Variants in SEPTIN9 observed in about 807,000 individuals in gnomAD.
The protein encoded by SEPTIN9 is septin 9, also known as septin-9.
A neutral mutation model predicts 56.6 loss-of-function variants in SEPTIN9; 13 were observed. The observed-to-expected ratio is 0.23, with a 90% CI of 0.15 to 0.37. The LOEUF is 0.37. SEPTIN9 is among the 10% of genes least tolerant of loss of function. The probability of loss-of-function intolerance (pLI) is 1.00; values close to 1 mark genes in which losing one functional copy is unlikely to be tolerated. For missense variants in SEPTIN9, 650 were observed against 823.1 expected, an observed-to-expected ratio of 0.79 and a Z score of 2.57; for synonymous variants, 332 against 334.1, an observed-to-expected ratio of 0.99 and a Z score of 0.07.
intron 2 of SEPTIN9, among the ~76,000 whole-genome samples, chr17:77,321,461 G>A (rs1360408165): frequency 1.3e-5 from 2 of 151,050 alleles, no homozygotes; most frequent in African/African-American, 4.9e-5. Flanking sequence ...GTGCAGTGGC[G>A]CGATCTCAGC....
At chr17:77,485,955 C>G (rs1384720278) in intron 4 of SEPTIN9, among the ~76,000 whole-genome samples, 1 of 151,992 alleles carries the variant, frequency 6.6e-6, no homozygotes, top group Non-Finnish European at 1.5e-5. Context: ...TCTCGTGCCT[C>G]AGGCATGTGC....
chr17:77,469,942 C>T (rs954059135), intron 3 of SEPTIN9, among the ~76,000 whole-genome samples: 1 of 150,232 alleles, frequency 6.7e-6, no homozygotes, highest in Non-Finnish European at 1.5e-5. Flanking sequence ...CACTCATCCA[C>T]CTGCCCATCC....
rs1436620547 is a variant in SEPTIN9 at position 77,434,993 on chromosome 17, G to C, written c.721+32290G>C. The stretch of plus-strand genomic sequence containing the variant: ...GGCCCTGGCAACCGTGGCAGGAGTG[G>C]TGATGTCCGATGATGGTAACAAGGG... On this transcript the variant is annotated intron_variant, in intron 3 of 11. Coordinates refer to ENST00000427177, the MANE Select transcript of SEPTIN9 (RefSeq NM_001113491.2). This position sits in a 1 kb window ranked among gnomAD's most constrained non-coding sequence, Gnocchi z 5.0. Among the ~76,000 whole-genome samples, 1 of 152,182 alleles carries C rather than the reference G, an allele frequency of 6.6e-6. No homozygotes were observed. Among genetic ancestry groups the C allele is most frequent in the African/African-American group, 2.4e-5 (1 of 41,428 alleles).
chr17:77,334,295 G>A (rs569574337), intron 2 of SEPTIN9, among the ~76,000 whole-genome samples: 68 of 152,032 alleles, frequency 4.5e-4, no homozygotes, highest in Middle Eastern at 3.4e-3. Context: ...GGTGGCGGGC[G>A]CCTGTAGTCC....
Position 77,330,665 on chromosome 17 carries a change from C to G in SEPTIN9, c.76+23468C>G, listed in dbSNP as rs536973880. ...AGACAATTTGGTTAAAGCCTAAAGCCTGCTGTCAGGAGCCTCGCTTGCCTC... is the reference window on the plus strand; with the variant it reads ...AGACAATTTGGTTAAAGCCTAAAGCGTGCTGTCAGGAGCCTCGCTTGCCTC... On this transcript the variant is annotated intron_variant, in intron 2 of 11. Coordinates refer to ENST00000427177, the MANE Select transcript of SEPTIN9 (RefSeq NM_001113491.2). The surrounding 1 kb of genome is among the most constrained non-coding windows in gnomAD (Gnocchi z 4.4). Among the ~76,000 whole-genome samples the G allele has an allele frequency of 6.6e-6, 1 of 152,360 alleles. No homozygotes were observed. Among genetic ancestry groups the G allele is most frequent in the African/African-American group, 2.4e-5 (1 of 41,580 alleles).
At chr17:77,399,097 C>A (rs1427520817) in intron 2 of SEPTIN9, among the ~76,000 whole-genome samples, 1 of 152,186 alleles carries the variant, frequency 6.6e-6, no homozygotes, top group Non-Finnish European at 1.5e-5. Context: ...GGGGCCAGCT[C>A]CGGTTCTAGA....
At chr17:77,415,588 A>G (rs2144179430) in intron 3 of SEPTIN9, among the ~76,000 whole-genome samples, 1 of 150,246 alleles carries the variant, frequency 6.7e-6, no homozygotes, top group African/African-American at 2.4e-5. Context: ...AAATTGCGCC[A>G]CTGCACTCCA....
At chr17:77,461,478 C>T (rs550723602) in intron 3 of SEPTIN9, among the ~76,000 whole-genome samples, 118 of 152,242 alleles carry the variant, frequency 7.8e-4, no homozygotes, top group Non-Finnish European at 1.4e-3. Context: ...TTCCTAGACT[C>T]GGGCTGGAGG....
intron 2 of SEPTIN9, among the ~76,000 whole-genome samples, chr17:77,358,379 G>T (rs1010314558): frequency 6.6e-6 from 1 of 152,226 alleles, no homozygotes; most frequent in African/African-American, 2.4e-5. Flanking sequence ...CCAGCACTTT[G>T]GGAGACCAAG....
At chr17:77,469,985 A>C (rs1019145002) in intron 3 of SEPTIN9, among the ~76,000 whole-genome samples, 21 of 149,398 alleles carry the variant, frequency 1.4e-4, no homozygotes, top group Non-Finnish European at 2.2e-4. Flanking sequence ...CCACCCATCC[A>C]CCCATCTATC....
chr17:77,333,229 C>T (rs531565734), intron 2 of SEPTIN9, among the ~76,000 whole-genome samples: 2 of 152,218 alleles, frequency 1.3e-5, no homozygotes, highest in East Asian at 3.8e-4. Flanking sequence ...CGGTTGAGCA[C>T]ATTTTCATGA....
At chr17:77,331,234 G>A (rs2033336645) in intron 2 of SEPTIN9, among the ~76,000 whole-genome samples, 2 of 152,152 alleles carry the variant, frequency 1.3e-5, no homozygotes, top group South Asian at 4.1e-4. Context: ...TACAGCTTCA[G>A]AATGATTGAC....
intron 3 of SEPTIN9, among the ~76,000 whole-genome samples, chr17:77,417,926 G>C (rs73375333): frequency 2.4e-3 from 362 of 152,318 alleles, no homozygotes; most frequent in African/African-American, 8.0e-3. Context: ...GTCATGTGCC[G>C]TATCCGTGGG....
intron 3 of SEPTIN9, chr17:77,444,882 A>G (rs2037677488): frequency 5.8e-6 from 2 of 343,376 alleles, no homozygotes; most frequent in Non-Finnish European, 6.0e-6. Context: ...TGGGCTGTTC[A>G]GACAGGGAGA....
intron 3 of SEPTIN9, among the ~76,000 whole-genome samples, chr17:77,424,896 C>CT (rs972210400): frequency 2.0e-5 from 3 of 152,140 alleles, no homozygotes; most frequent in Admixed American, 2.0e-4. Flanking sequence ...GAAGGAGGGG[C>CT]TGGGGGGTAC....
rs909990057 is a variant in SEPTIN9, at chr17:77,305,267, C to T, written c.20-1874C>T. Among the ~76,000 whole-genome samples, 21 of 152,242 alleles carry T rather than the reference C, an allele frequency of 1.4e-4. 1 individual carries two copies. Among genetic ancestry groups the T allele is most frequent in the Admixed American group, 1.0e-3 (16 of 15,292 alleles). ...GGCTGGGGGTGCTGGAGGTGAATTC[C>T]GCAGCTGTGCGACCTTGGGCAGTTT... is the stretch of plus-strand genomic sequence containing the variant. On this transcript the variant is annotated intron_variant, in intron 1 of 11. Transcript: ENST00000427177.
At position 77,456,768 on chromosome 17, in the gene SEPTIN9, C is replaced by T. The variant is rs556125503; in HGVS notation, c.722-25376C>T. 9.3e-4 allele frequency among the ~76,000 whole-genome samples: 142 copies of T among 152,020 alleles called. No individual in the cohort carries two copies. Among genetic ancestry groups the T allele is most frequent in the African/African-American group, 3.2e-3 (132 of 41,444 alleles). ...AGCACCGGGTACCCACAGCCAGGGACGGGTCCCCATGGCCAGTACCAGGTC... is the reference window on the plus strand; with the variant it reads ...AGCACCGGGTACCCACAGCCAGGGATGGGTCCCCATGGCCAGTACCAGGTC... On this transcript the variant is annotated intron_variant, in intron 3 of 11. Transcript: ENST00000427177. This position sits in a 1 kb window ranked among gnomAD's most constrained non-coding sequence, Gnocchi z 6.0.
At chr17:77,334,482 C>G (rs1326434993) in intron 2 of SEPTIN9, among the ~76,000 whole-genome samples, 2 of 150,352 alleles carry the variant, frequency 1.3e-5, no homozygotes, top group African/African-American at 4.9e-5. Flanking sequence ...GGATATAAGT[C>G]CTTTATCAGA....
intron 3 of SEPTIN9, among the ~76,000 whole-genome samples, chr17:77,468,438 G>C (rs1474563367): frequency 6.6e-6 from 1 of 152,224 alleles, no homozygotes; most frequent in Non-Finnish European, 1.5e-5. Context: ...CAGAGAGGCT[G>C]TGCGTGGATG....
Sources: allele counts gnomAD v4.1 joint callset (sites outside exome capture counted in the v4.1 genomes callset), GRCh38; gene constraint gnomAD v4.1.1; non-coding constraint Gnocchi (gnomAD v3.1); transcripts MANE v1.5; gene names NCBI Gene and HGNC (gene_info 2026-07-23, HGNC 2026-07-21).